Variants in GFOD1 observed in about 807,000 individuals in gnomAD.
GFOD1 encodes Gfo/Idh/MocA-like oxidoreductase domain containing 1.
GFOD1 carries 9 observed loss-of-function variants against 25.4 expected under a neutral mutation model. That is an observed-to-expected ratio of 0.35 (90% CI 0.21 to 0.62). The LOEUF is 0.62. Ranked by LOEUF, GFOD1 falls within the 20% of genes least tolerant of loss-of-function variation. The pLI, the probability that GFOD1 is intolerant of heterozygous loss-of-function variation, is 0.72. For missense variants in GFOD1, 403 were observed against 556.9 expected, an observed-to-expected ratio of 0.72 and a Z score of 2.78; for synonymous variants, 253 against 245.6, an observed-to-expected ratio of 1.03 and a Z score of -0.28.
At chr6:13,473,338 T>C (rs1018255223) in intron 1 of GFOD1, among the ~76,000 whole-genome samples, 5 of 152,204 alleles carry the variant, frequency 3.3e-5, no homozygotes, top group Non-Finnish European at 7.4e-5. Context: ...TACCATAGCA[T>C]GCCCCTGACT....
chr6:13,482,175 G>A (rs1423607194), intron 1 of GFOD1, among the ~76,000 whole-genome samples: 1 of 148,364 alleles, frequency 6.7e-6, no homozygotes, highest in African/African-American at 2.5e-5. Flanking sequence ...ATATACAAAT[G>A]TGTATATGTA....
intron 1 of GFOD1, among the ~76,000 whole-genome samples, chr6:13,413,235 G>C (rs1022243084): frequency 6.6e-6 from 1 of 152,220 alleles, no homozygotes. Flanking sequence ...CTGGGAGACA[G>C]GAAGAAGGAA....
intron 1 of GFOD1, among the ~76,000 whole-genome samples, chr6:13,473,425 G>A (rs927735139): frequency 3.9e-5 from 6 of 152,148 alleles, no homozygotes; most frequent in African/African-American, 7.2e-5. Context: ...CCTCTAAGGC[G>A]GCCATTTGGG....
chr6:13,465,319 A>G (rs2494771), intron 1 of GFOD1, among the ~76,000 whole-genome samples: 139,806 of 152,230 alleles, frequency 0.92, 65,339 homozygotes, highest in East Asian at 1. Flanking sequence ...TGCATCCCAC[A>G]GGCAGGGGTT....
intron 1 of GFOD1, among the ~76,000 whole-genome samples, chr6:13,477,233 G>GTGTA (rs1562231513): frequency 6.7e-6 from 1 of 149,142 alleles, no homozygotes; most frequent in South Asian, 2.1e-4. Context: ...GTGTGTGTGT[G>GTGTA]TGTGTGTGTG....
chr6:13,483,335 A>T (rs1379230399), intron 1 of GFOD1, among the ~76,000 whole-genome samples: 1 of 152,146 alleles, frequency 6.6e-6, no homozygotes, highest in African/African-American at 2.4e-5. Flanking sequence ...GTGCGCCAAC[A>T]GGGCCCATTC....
At chr6:13,398,303 T>TA (rs1785776024) in intron 1 of GFOD1, among the ~76,000 whole-genome samples, 1 of 93,914 alleles carries the variant, frequency 1.1e-5, no homozygotes, top group South Asian at 4.2e-4. Flanking sequence ...CTTGGATCTG[T>TA]TACGAGGCTC....
intron 1 of GFOD1, among the ~76,000 whole-genome samples, chr6:13,386,060 CTT>C (rs5874414): frequency 0.011 from 1,450 of 127,992 alleles, 15 homozygotes; most frequent in African/African-American, 0.035. Flanking sequence ...TGGGTAATTC[CTT>C]TTTTTTTTTT....
At chr6:13,438,108 T>G (rs1384981715) in intron 1 of GFOD1, among the ~76,000 whole-genome samples, 1 of 152,216 alleles carries the variant, frequency 6.6e-6, no homozygotes, top group African/African-American at 2.4e-5. Flanking sequence ...AAGGGTTTAG[T>G]AGGCTACACA....
At chr6:13,394,601 A>C (rs1785689718) in intron 1 of GFOD1, among the ~76,000 whole-genome samples, 1 of 148,050 alleles carries the variant, frequency 6.8e-6, no homozygotes, top group East Asian at 2.0e-4. Context: ...CAGCCTCCCA[A>C]GTAACTGGGA....
Position 13,360,152 on chromosome 6 carries a change from C to T in GFOD1, c.*4591G>A, listed in dbSNP as rs1201966725. On this transcript the variant is annotated 3_prime_UTR_variant, in exon 2 of 2. Transcript: ENST00000379287. ...AGAGGCAGAAAACCTGACTTTTTGTCCTGGCTCTACCACTAAAGATGTGGG... is the reference window on the plus strand; with the variant it reads ...AGAGGCAGAAAACCTGACTTTTTGTTCTGGCTCTACCACTAAAGATGTGGG... The T allele has an allele frequency of 6.5e-6, 1 of 154,648 alleles. No individual in the cohort carries two copies. The highest frequency in any genetic ancestry group is 2.4e-5 in the African/African-American group (1 of 41,412). 9.6% of individuals were successfully genotyped at this position (154,648 alleles called of 1,614,324 possible).
In GFOD1 at chr6:13,364,643, T is replaced by C; in HGVS notation, c.*100A>G. 4.9e-6 allele frequency: 5 copies of C among 1,018,240 alleles called. No homozygotes were observed. The highest frequency in any genetic ancestry group is 7.2e-6 in the Non-Finnish European group (5 of 696,428). 63.1% of individuals were successfully genotyped at this position (1,018,240 alleles called of 1,614,324 possible). ...TATTCACACTGTCCCTCCACCTCCC[T>C]GATCCCCACATTCCCCATGGTCACC... On this transcript the variant is annotated 3_prime_UTR_variant, in exon 2 of 2. Transcript: ENST00000379287. The surrounding 1 kb of genome is among the most constrained non-coding windows in gnomAD (Gnocchi z 4.1).
intron 1 of GFOD1, among the ~76,000 whole-genome samples, chr6:13,380,396 T>C (rs1785340734): frequency 6.6e-6 from 1 of 152,246 alleles, no homozygotes; most frequent in Admixed American, 6.5e-5. Context: ...ATACACTTAC[T>C]GTAGGGCTCT....
intron 1 of GFOD1, among the ~76,000 whole-genome samples, chr6:13,420,913 T>C (rs1350378617): frequency 1.3e-5 from 2 of 152,200 alleles, no homozygotes; most frequent in African/African-American, 4.8e-5. Flanking sequence ...CTAAACAGGA[T>C]GTCATACATC....
rs376523971 is a variant in GFOD1, at chr6:13,365,339, C to T, written c.577G>A (p.Val193Ile). ...LLTFLTGQKA[V>I]KVHGLLKTFV... is the part of the protein sequence containing the mutation. ...GTCTTGAGCAGCCCGTGGACCTTGA[C>T]GGCCTTTTGGCCGGTGAGGAAGGTG... Residue 193 changes from valine (V) to isoleucine (I), a missense_variant, in exon 2 of 2, where the codon GTC becomes ATC. By Grantham distance (29) the Val-to-Ile change is conservative. Coordinates refer to ENST00000379287, the MANE Select transcript of GFOD1 (RefSeq NM_018988.4). The surrounding 1 kb of genome is among the most constrained non-coding windows in gnomAD (Gnocchi z 9.2). The T allele has an allele frequency of 1.9e-6, 3 of 1,614,190 alleles. No individual in the cohort carries two copies. Among genetic ancestry groups the T allele is most frequent in the Non-Finnish European group, 2.5e-6 (3 of 1,180,036 alleles).
At chr6:13,396,231 C>T (rs1379704788) in intron 1 of GFOD1, among the ~76,000 whole-genome samples, 3 of 152,216 alleles carry the variant, frequency 2.0e-5, no homozygotes, top group Non-Finnish European at 2.9e-5. Flanking sequence ...GATGCTTTAT[C>T]TTCAATCTTC....
chr6:13,426,931 G>A (rs1329650948), intron 1 of GFOD1, among the ~76,000 whole-genome samples: 1 of 152,148 alleles, frequency 6.6e-6, no homozygotes. Context: ...CTGTGTCTTG[G>A]GGGAGGTTAC....
intron 1 of GFOD1, among the ~76,000 whole-genome samples, chr6:13,402,824 T>A (rs1357358722): frequency 6.6e-6 from 1 of 152,174 alleles, no homozygotes; most frequent in Admixed American, 6.6e-5. Context: ...ATTCCAATCC[T>A]AGGTATATAG....
At chr6:13,370,791 T>A (rs1018854923) in intron 1 of GFOD1, among the ~76,000 whole-genome samples, 2 of 152,140 alleles carry the variant, frequency 1.3e-5, no homozygotes, top group Non-Finnish European at 2.9e-5. Context: ...TAAAACCACG[T>A]GCAACGTAAA....
Sources: gnomAD v4.1 joint callset for allele counts (sites outside exome capture counted in the v4.1 genomes callset) on GRCh38, gnomAD v4.1.1 for gene constraint, Gnocchi (gnomAD v3.1) non-coding constraint, MANE v1.5 for transcripts, NCBI Gene and HGNC (gene_info 2026-07-23, HGNC 2026-07-21) for gene names.